The following MAGEC3 variants were observed in gnomAD, a reference collection of about 807,000 sequenced individuals.
MAGEC3 encodes the protein MAGE family member C3.
A neutral mutation model predicts 35.3 loss-of-function variants in MAGEC3; 34 were observed. That is an observed-to-expected ratio of 0.96 (90% CI 0.73 to 1.28). The LOEUF is 1.28. MAGEC3 is among the 50% of genes most tolerant of loss of function. The pLI is 0.00. For missense variants in MAGEC3, 561 were observed against 483.6 expected (o/e 1.16, Z -1.50); for synonymous variants, 202 against 185.6 (o/e 1.09, Z -0.72).
chrX:141,887,545 G>A (rs983268286), intron 4 of MAGEC3, among the ~76,000 whole-genome samples: 6 of 112,072 alleles, frequency 5.4e-5, no homozygotes, highest in African/African-American at 1.3e-4. Context: ...CAAGAAAGAG[G>A]CACAATGCCT....
At chrX:141,885,954 G>C (rs896138561) in intron 4 of MAGEC3, among the ~76,000 whole-genome samples, 1 of 111,306 alleles carries the variant, frequency 9.0e-6, no homozygotes, top group African/African-American at 3.3e-5. Flanking sequence ...GATCTGCAGG[G>C]ATTGGTCTTC....
intron 6 of MAGEC3, 91 bp from the exon 7 acceptor site, chrX:141,896,791 T>G (rs752897655): frequency 2.5e-6 from 3 of 1,208,254 alleles, no homozygotes; most frequent in Middle Eastern, 2.3e-4. Context: ...CTCTTCCTCT[T>G]TCCACTTTTT....
At position 141,881,631 on chromosome X, in the gene MAGEC3, T is replaced by G. The variant is rs370180825; in HGVS notation, c.744T>G (p.His248Gln). The G allele has an allele frequency of 7.4e-6, 9 of 1,209,648 alleles. No homozygotes were observed. The highest frequency in any genetic ancestry group is 1.0e-5 in the Non-Finnish European group (9 of 895,109). ...CCCTGACAGAAGTGGACCCCGACCA[T>G]TTCTATGTCTTTGTAAACACATTAG... is the stretch of plus-strand genomic sequence containing the variant. The part of the protein sequence containing the change: ...GISLTEVDPD[H>Q]FYVFVNTLDL... The change falls in exon 4 of 8, where the codon CAT (histidine) becomes CAG (glutamine). Residue 248 changes from histidine (H) to glutamine (Q), a missense_variant. His to Gln is a conservative substitution (Grantham distance 24, BLOSUM62 0). Transcript: ENST00000298296.
At chrX:141,842,853 C>T (rs2017694145) in intron 1 of MAGEC3, among the ~76,000 whole-genome samples, 1 of 111,339 alleles carries the variant, frequency 9.0e-6, no homozygotes, top group East Asian at 2.8e-4. Flanking sequence ...TTAGCTCCTA[C>T]ATTGTTAGTT....
intron 2 of MAGEC3, among the ~76,000 whole-genome samples, chrX:141,871,568 A>G (rs2017888174): frequency 8.9e-6 from 1 of 111,765 alleles, no homozygotes; most frequent in Non-Finnish European, 1.9e-5. Flanking sequence ...TATAGCTTGG[A>G]TATCCATTTT....
intron 4 of MAGEC3, chrX:141,894,926 G>T: frequency 3.0e-5 from 18 of 607,354 alleles, no homozygotes; most frequent in Non-Finnish European, 3.5e-5. Context: ...GAAGGGGTGG[G>T]AGGAAGTTGG....
In MAGEC3 at chrX:141,879,338, G is replaced by C; in HGVS notation, c.422G>C (p.Ser141Thr). 1 of 1,202,149 alleles carries C rather than the reference G, an allele frequency of 8.3e-7. No homozygotes were observed. The highest frequency in any genetic ancestry group is 1.1e-6 in the Non-Finnish European group (1 of 890,363). ...LNEKRTLWKD[S>T]DLPTWRRGTG... The stretch of plus-strand genomic sequence containing the variant: ...GAGAAGAGAACTCTGTGGAAGGACA[G>C]TGACCTTCCAACATGGAGGAGAGGC... Residue 141 changes from serine (S) to threonine (T), a missense_variant, in exon 3 of 8, where the codon AGT (serine) becomes ACT (threonine). Coordinates refer to ENST00000298296, the MANE Select transcript of MAGEC3 (RefSeq NM_138702.1).
At chrX:141,895,914 C>G (rs1248854665) in intron 6 of MAGEC3, among the ~76,000 whole-genome samples, 1 of 111,640 alleles carries the variant, frequency 9.0e-6, no homozygotes, top group Non-Finnish European at 1.9e-5. Flanking sequence ...CGACTGCCCC[C>G]GTGGTAGAGT....
chrX:141,850,567 C>G (rs142738570), intron 1 of MAGEC3, among the ~76,000 whole-genome samples: 51 of 110,717 alleles, frequency 4.6e-4, no homozygotes, highest in Non-Finnish European at 8.5e-4. Context: ...TTCAACAATA[C>G]CCCCACACAT....
intron 3 of MAGEC3, chrX:141,880,797 G>T: frequency 9.6e-7 from 1 of 1,043,104 alleles, no homozygotes; most frequent in Non-Finnish European, 1.3e-6. Flanking sequence ...CAGGTGACCC[G>T]TGAGGCCCTA....
In MAGEC3 at chrX:141,850,462, A is replaced by G. The variant is rs193171362; in HGVS notation, c.123+12024A>G. Among the ~76,000 whole-genome samples the G allele has an allele frequency of 2.2e-3, 244 of 111,587 alleles. 1 individual carries two copies. The highest frequency in any genetic ancestry group is 7.4e-3 in the African/African-American group (228 of 30,816). On this transcript the variant is annotated intron_variant, in intron 1 of 7. Coordinates refer to ENST00000298296, the MANE Select transcript of MAGEC3 (RefSeq NM_138702.1). ...TAGGCAAATAAGCTGGAGATGCAGG[A>G]AAGTGTTATAGTCCAAGTTCAAAGA...
At chrX:141,859,071 TTCTG>T (rs2017799293) in intron 1 of MAGEC3, among the ~76,000 whole-genome samples, 1 of 82,204 alleles carries the variant, frequency 1.2e-5, no homozygotes, top group South Asian at 5.4e-4. Context: ...TTCGCTTTGT[TTCTG>T]TCTTTTTTTT....
intron 2 of MAGEC3, among the ~76,000 whole-genome samples, chrX:141,872,517 T>A (rs902315471): frequency 8.1e-5 from 9 of 111,589 alleles, no homozygotes; most frequent in Non-Finnish European, 1.5e-4. Flanking sequence ...TCTAGCTTAG[T>A]CCCACTGGTT....
intron 1 of MAGEC3, among the ~76,000 whole-genome samples, chrX:141,854,506 C>T (rs907701795): frequency 2.7e-5 from 3 of 110,921 alleles, no homozygotes; most frequent in African/African-American, 9.8e-5. Context: ...GTGGTACCCC[C>T]ATACTGTTCT....
intron 1 of MAGEC3, among the ~76,000 whole-genome samples, chrX:141,848,868 T>C (rs1026614467): frequency 3.6e-5 from 4 of 111,563 alleles, no homozygotes; most frequent in Admixed American, 9.5e-5. Context: ...ATACCCCATT[T>C]ACTTTGATGT....
intron 2 of MAGEC3, among the ~76,000 whole-genome samples, chrX:141,872,105 T>TA (rs1192734713): frequency 9.1e-6 from 1 of 110,396 alleles, no homozygotes; most frequent in African/African-American, 3.3e-5. Context: ...GGATTTAAGG[T>TA]AAAAATAAAA....
At chrX:141,852,711 C>G (rs950968635) in intron 1 of MAGEC3, among the ~76,000 whole-genome samples, 15 of 110,431 alleles carry the variant, frequency 1.4e-4, no homozygotes, top group African/African-American at 4.9e-4. Flanking sequence ...GTTCTTTATT[C>G]TATTTGTTTG....
intron 4 of MAGEC3, among the ~76,000 whole-genome samples, chrX:141,885,119 C>G (rs1243907315): frequency 2.7e-5 from 3 of 111,939 alleles, no homozygotes; most frequent in African/African-American, 9.8e-5. Flanking sequence ...AGACCTATAA[C>G]TAGACTAAAG....
chrX:141,870,618 T>C (rs1192378639), intron 2 of MAGEC3, among the ~76,000 whole-genome samples: 4 of 112,460 alleles, frequency 3.6e-5, no homozygotes, highest in African/African-American at 6.5e-5. Context: ...CTTCTTATAA[T>C]TTTTAACTAA....
Sources: allele counts gnomAD v4.1 joint callset (sites outside exome capture counted in the v4.1 genomes callset), GRCh38; gene constraint gnomAD v4.1.1; transcripts MANE v1.5; gene names NCBI Gene and HGNC (gene_info 2026-07-23, HGNC 2026-07-21).